The following KCNMA1 variants were observed in gnomAD, a reference collection of about 807,000 sequenced individuals.
KCNMA1 encodes Calcium-activated potassium channel subunit alpha-1.
A neutral mutation model predicts 140.0 loss-of-function variants in KCNMA1; 29 were observed. The ratio of observed to expected loss-of-function variants is 0.21; its 90% CI spans 0.15 to 0.28. The LOEUF is 0.28. Ranked by LOEUF, KCNMA1 falls within the 10% of genes least tolerant of loss-of-function variation. The pLI is 1.00. For synonymous variants in KCNMA1, 612 were observed against 611.9 expected, an observed-to-expected ratio of 1.00 and a Z score of 0.00; for missense variants, 880 against 1,602.2, an observed-to-expected ratio of 0.55 and a Z score of 7.70.
At chr10:77,634,507 T>G in intron 1 of KCNMA1, 1 of 985,372 alleles carries the variant, frequency 1.0e-6, no homozygotes, top group South Asian at 4.7e-5. Flanking sequence ...CAAACGCTCA[T>G]GAAATTGGAG....
intron 27 of KCNMA1, among the ~76,000 whole-genome samples, chr10:76,888,655 C>G (rs1198482987): frequency 6.6e-6 from 1 of 152,226 alleles, no homozygotes; most frequent in East Asian, 1.9e-4. Flanking sequence ...TGTTATTTCT[C>G]TGCTTAAGGT....
At chr10:77,018,090 T>C (rs763585651) in intron 17 of KCNMA1, among the ~76,000 whole-genome samples, 1 of 152,146 alleles carries the variant, frequency 6.6e-6, no homozygotes, top group Non-Finnish European at 1.5e-5. Context: ...ATTTTACAGA[T>C]GAGGAAACCA....
At chr10:77,495,869 G>A (rs527913341) in intron 1 of KCNMA1, among the ~76,000 whole-genome samples, 41 of 152,290 alleles carry the variant, frequency 2.7e-4, no homozygotes, top group African/African-American at 9.6e-4. Context: ...AGAGGCTACT[G>A]AGCCACCAGT....
At chr10:76,924,729 C>T (rs907621308) in intron 23 of KCNMA1, among the ~76,000 whole-genome samples, 1 of 131,188 alleles carries the variant, frequency 7.6e-6, no homozygotes, top group Non-Finnish European at 1.6e-5. Flanking sequence ...AAGAACAGGG[C>T]CCAGAGAGAG....
intron 6 of KCNMA1, among the ~76,000 whole-genome samples, chr10:77,117,025 T>C (rs909561125): frequency 6.6e-6 from 1 of 152,216 alleles, no homozygotes; most frequent in African/African-American, 2.4e-5. Context: ...CTTGGAGCCA[T>C]TTCTAAGTTC....
At chr10:77,228,026 G>A (rs759453624) in intron 3 of KCNMA1, among the ~76,000 whole-genome samples, 8 of 149,608 alleles carry the variant, frequency 5.3e-5, no homozygotes, top group Non-Finnish European at 7.4e-5. Flanking sequence ...GTGCAGTGGC[G>A]CAATCTTGGC....
chr10:77,038,982 A>C (rs1159565464), intron 15 of KCNMA1: 3 of 177,486 alleles, frequency 1.7e-5, no homozygotes, highest in Non-Finnish European at 2.4e-5. Context: ...AGAAGCTAAG[A>C]CTTGTTATTA....
chr10:77,559,329 C>T (rs2065574913), intron 1 of KCNMA1, among the ~76,000 whole-genome samples: 1 of 152,234 alleles, frequency 6.6e-6, no homozygotes, highest in Non-Finnish European at 1.5e-5. Flanking sequence ...GACTCCATGC[C>T]TCCCCATGAT....
chr10:77,615,626 T>A (rs943078426), intron 1 of KCNMA1, among the ~76,000 whole-genome samples: 1 of 152,176 alleles, frequency 6.6e-6, no homozygotes, highest in African/African-American at 2.4e-5. Flanking sequence ...GCAAAATTCT[T>A]CCTTTCCTCT....
intron 2 of KCNMA1, among the ~76,000 whole-genome samples, chr10:77,279,240 G>C (rs1351919801): frequency 6.6e-6 from 1 of 152,194 alleles, no homozygotes; most frequent in Non-Finnish European, 1.5e-5. Context: ...TTAGAGGAAA[G>C]GAAAGAAACT....
intron 15 of KCNMA1, among the ~76,000 whole-genome samples, chr10:77,038,156 C>T (rs1266411464): frequency 1.3e-5 from 2 of 152,144 alleles, no homozygotes; most frequent in Non-Finnish European, 2.9e-5. Context: ...CTGCTGTGTT[C>T]AGTGACAGGA....
chr10:77,061,811 A>T lies in KCNMA1; in HGVS notation c.1749+11286T>A, dbSNP rs551179723. Among the ~76,000 whole-genome samples, 14 of 152,356 alleles carry T rather than the reference A, an allele frequency of 9.2e-5. No homozygotes were observed. In the East Asian group the frequency reaches 2.7e-3, roughly 29 times the overall value. On this transcript the variant is annotated intron_variant, in intron 14 of 27. Coordinates refer to ENST00000286628, the MANE Select transcript of KCNMA1 (RefSeq NM_001161352.2). ...CTGGTACCTGCATATAAGATGTCAT[A>T]CTATTCATCAACAGAAAGGATGGAA...
At chr10:77,227,380 T>A (rs12771023) in intron 3 of KCNMA1, among the ~76,000 whole-genome samples, 25,091 of 152,190 alleles carry the variant, frequency 0.16, 2,458 homozygotes, top group Non-Finnish European at 0.21. Flanking sequence ...AACCAGTGAC[T>A]CAGAAGGTAC....
intron 1 of KCNMA1, among the ~76,000 whole-genome samples, chr10:77,606,090 G>A (rs1181436928): frequency 6.6e-6 from 1 of 152,154 alleles, no homozygotes; most frequent in Non-Finnish European, 1.5e-5. Flanking sequence ...CATGGCTCAG[G>A]CTCTGCCATC....
intron 12 of KCNMA1, among the ~76,000 whole-genome samples, chr10:77,080,177 G>T (rs956489320): frequency 6.6e-6 from 1 of 152,200 alleles, no homozygotes; most frequent in Admixed American, 6.5e-5. Flanking sequence ...CCTTTCTATG[G>T]CAATGACCCG....
chr10:77,460,215 TA>T (rs1333631941), intron 1 of KCNMA1, among the ~76,000 whole-genome samples: 1 of 152,220 alleles, frequency 6.6e-6, no homozygotes, highest in East Asian at 1.9e-4. Flanking sequence ...TGTTCGTTGA[TA>T]AAGTCTGCTG....
chr10:77,034,456 C>T (rs928498463), intron 15 of KCNMA1, among the ~76,000 whole-genome samples: 1 of 152,132 alleles, frequency 6.6e-6, no homozygotes, highest in African/African-American at 2.4e-5. Flanking sequence ...GGCAAGAGGC[C>T]CAGCTTTCGC....
intron 1 of KCNMA1, among the ~76,000 whole-genome samples, chr10:77,573,359 T>C (rs1406060114): frequency 6.6e-6 from 1 of 152,084 alleles, no homozygotes; most frequent in Non-Finnish European, 1.5e-5. Flanking sequence ...AGGTCAGACA[T>C]GACCCAGGAA....
At chr10:77,474,399 C>G (rs2154529520) in intron 1 of KCNMA1, among the ~76,000 whole-genome samples, 1 of 152,222 alleles carries the variant, frequency 6.6e-6, no homozygotes, top group Admixed American at 6.5e-5. Context: ...AGGACATGGA[C>G]AGAAAAAAGA....
Sources: allele counts gnomAD v4.1 joint callset (sites outside exome capture counted in the v4.1 genomes callset), GRCh38; gene constraint gnomAD v4.1.1; transcripts MANE v1.5; gene names NCBI Gene and HGNC (gene_info 2026-07-23, HGNC 2026-07-21).